TRHDE: variants seen among roughly 807,000 people sequenced by gnomAD.
TRHDE encodes thyrotropin-releasing hormone-degrading ectoenzyme.
TRHDE carries 72 observed loss-of-function variants against 125.7 expected under a neutral mutation model. The observed-to-expected ratio is 0.57, with a 90% CI of 0.47 to 0.70. The LOEUF is 0.70. TRHDE is among the 30% of genes least tolerant of loss of function. TRHDE has a pLI of 0.00. For synonymous variants in TRHDE, 509 were observed against 509.1 expected, an observed-to-expected ratio of 1.00 and a Z score of 0.00; for missense variants, 1,110 against 1,327.1, an observed-to-expected ratio of 0.84 and a Z score of 2.54.
intron 12 of TRHDE, among the ~76,000 whole-genome samples, chr12:72,586,793 GAAAA>G (rs59849205): frequency 9.0e-6 from 1 of 110,974 alleles, no homozygotes; most frequent in Non-Finnish European, 2.2e-5. Context: ...TAACCAAAAT[GAAAA>G]AAAAAAAAAA....
At chr12:72,231,017 A>G (rs1358739606) in intron 2 of TRHDE, among the ~76,000 whole-genome samples, 2 of 152,210 alleles carry the variant, frequency 1.3e-5, no homozygotes, top group African/African-American at 2.4e-5. Context: ...TGATGTTGTC[A>G]TTTTGGAATT....
chr12:72,127,206 G>A (rs1875734408), intron 2 of TRHDE, among the ~76,000 whole-genome samples: 1 of 152,214 alleles, frequency 6.6e-6, no homozygotes, highest in Non-Finnish European at 1.5e-5. Flanking sequence ...TGCTGGTAAA[G>A]CTGCAGAGAA....
chr12:72,378,137 G>A lies in TRHDE; in HGVS notation c.1315+16G>A. 3 of 1,567,100 alleles carry A rather than the reference G, an allele frequency of 1.9e-6. No individual in the cohort carries two copies. Among genetic ancestry groups the A allele is most frequent in the South Asian group, 2.5e-5 (2 of 81,166 alleles). The stretch of plus-strand genomic sequence containing the variant: ...CCAAAACTAGGTAAGAATTTTCTTG[G>A]TTATTTTATTGGAAGGGCTCCTTGA... On this transcript the variant is annotated intron_variant, in intron 3 of 18. Coordinates refer to ENST00000261180, the MANE Select transcript of TRHDE (RefSeq NM_013381.3).
chr12:72,656,482 A>G (rs972421), intron 17 of TRHDE, among the ~76,000 whole-genome samples: 22,040 of 152,124 alleles, frequency 0.14, 2,179 homozygotes, highest in East Asian at 0.54. Context: ...AGTGTCAATT[A>G]TGACTAATCA....
chr12:72,602,857 T>A (rs1395093569), intron 12 of TRHDE, among the ~76,000 whole-genome samples: 2 of 152,142 alleles, frequency 1.3e-5, no homozygotes, highest in African/African-American at 2.4e-5. Flanking sequence ...TCCCCACAAT[T>A]GCCCTTTAGC....
At chr12:72,142,307 T>C (rs149424684) in intron 2 of TRHDE, among the ~76,000 whole-genome samples, 21 of 152,292 alleles carry the variant, frequency 1.4e-4, no homozygotes, top group African/African-American at 5.1e-4. Context: ...GTTCCTTTTT[T>C]TCTTTCCTAT....
At chr12:72,375,624 A>G (rs1871843345) in intron 2 of TRHDE, among the ~76,000 whole-genome samples, 1 of 152,226 alleles carries the variant, frequency 6.6e-6, no homozygotes, top group East Asian at 1.9e-4. Context: ...TACTTTATGT[A>G]GAATCTTTTG....
chr12:72,426,185 T>C (rs1874177812), intron 3 of TRHDE, among the ~76,000 whole-genome samples: 1 of 152,126 alleles, frequency 6.6e-6, no homozygotes, highest in South Asian at 2.1e-4. Context: ...TAAATAAACA[T>C]ATGTCTGATT....
chr12:72,482,155 C>T (rs1467481551), intron 5 of TRHDE, among the ~76,000 whole-genome samples: 3 of 151,914 alleles, frequency 2.0e-5, no homozygotes, highest in African/African-American at 7.2e-5. Context: ...GAATAAATCT[C>T]ATGATAATAT....
chr12:72,131,934 C>T (rs1453028282), intron 2 of TRHDE, among the ~76,000 whole-genome samples: 1 of 152,194 alleles, frequency 6.6e-6, no homozygotes, highest in Non-Finnish European at 1.5e-5. Context: ...GATAGGTCAT[C>T]CTCTCACTGG....
At chr12:72,572,072 G>A (rs760768901) in intron 10 of TRHDE, among the ~76,000 whole-genome samples, 52 of 117,910 alleles carry the variant, frequency 4.4e-4, no homozygotes, top group Non-Finnish European at 7.2e-4. Flanking sequence ...TTAATATGAT[G>A]TCTTTGATAT....
chr12:72,435,515 G>GA (rs893594614), intron 3 of TRHDE, among the ~76,000 whole-genome samples: 4 of 151,666 alleles, frequency 2.6e-5, no homozygotes, highest in East Asian at 1.9e-4. Context: ...ATTCGAATAT[G>GA]AAAAAAATCT....
intron 3 of TRHDE, among the ~76,000 whole-genome samples, chr12:72,399,684 ACTTT>A (rs1158245453): frequency 1.3e-4 from 20 of 152,302 alleles, no homozygotes; most frequent in Admixed American, 3.3e-4. Context: ...CTCAAAAATA[ACTTT>A]CTTTCACTGG....
intron 2 of TRHDE, among the ~76,000 whole-genome samples, chr12:72,298,833 C>T (rs1322914343): frequency 6.6e-6 from 1 of 152,112 alleles, no homozygotes; most frequent in Non-Finnish European, 1.5e-5. Flanking sequence ...ATTTACCTGA[C>T]CAGGATCTGT....
chr12:72,528,162 C>A (rs1432771951), intron 6 of TRHDE, among the ~76,000 whole-genome samples: 3 of 152,142 alleles, frequency 2.0e-5, no homozygotes, highest in African/African-American at 7.2e-5. Flanking sequence ...TACCTAAAAT[C>A]TAATTTGTAA....
chr12:72,326,317 C>T (rs1281032858), intron 2 of TRHDE, among the ~76,000 whole-genome samples: 3 of 152,072 alleles, frequency 2.0e-5, no homozygotes, highest in African/African-American at 7.2e-5. Context: ...CCAAATGCCT[C>T]ATGTTCTCAC....
intron 2 of TRHDE, among the ~76,000 whole-genome samples, chr12:72,131,432 A>G (rs949202151): frequency 1.4e-4 from 21 of 152,206 alleles, no homozygotes; most frequent in African/African-American, 4.8e-4. Context: ...TAATTTTTAA[A>G]TTTATAGCAG....
intron 12 of TRHDE, among the ~76,000 whole-genome samples, chr12:72,588,456 G>GC (rs1161821060): frequency 6.6e-6 from 1 of 152,174 alleles, no homozygotes; most frequent in East Asian, 1.9e-4. Context: ...TAAGTAAGGA[G>GC]CATTGCAGGC....
chr12:72,474,503 C>G (rs1876799736), intron 5 of TRHDE, among the ~76,000 whole-genome samples: 1 of 152,076 alleles, frequency 6.6e-6, no homozygotes, highest in Non-Finnish European at 1.5e-5. Flanking sequence ...TTTTAGATTT[C>G]TTATAGAAGT....
Sources: gnomAD v4.1 joint callset for allele counts (sites outside exome capture counted in the v4.1 genomes callset) on GRCh38, gnomAD v4.1.1 for gene constraint, MANE v1.5 for transcripts, NCBI Gene and HGNC (gene_info 2026-07-23, HGNC 2026-07-21) for gene names.